The following LNX2 variants were observed in gnomAD, a reference collection of about 807,000 sequenced individuals.
LNX2 encodes the protein ligand of numb-protein X 2, also known as ligand of Numb protein X 2.
In LNX2, 35 loss-of-function variants were observed where a neutral mutation model predicts 66.2. The observed-to-expected ratio is 0.53, with a 90% CI of 0.40 to 0.70. The LOEUF is 0.70. LNX2 is among the 30% of genes least tolerant of loss of function. LNX2 has a pLI of 0.00. For synonymous variants in LNX2, 337 were observed against 315.6 expected (o/e 1.07, Z -0.72); for missense variants, 791 against 850.8 (o/e 0.93, Z 0.87).
chr13:27,619,743 C>G (rs920919469), intron 1 of LNX2, among the ~76,000 whole-genome samples: 1 of 152,196 alleles, frequency 6.6e-6, no homozygotes, highest in Non-Finnish European at 1.5e-5. Flanking sequence ...TGGCATACAG[C>G]TTTGAAAAGC....
At chr13:27,607,701 T>C (rs1955732316) in intron 1 of LNX2, among the ~76,000 whole-genome samples, 1 of 152,248 alleles carries the variant, frequency 6.6e-6, no homozygotes, top group Non-Finnish European at 1.5e-5. Context: ...AATAATTTTC[T>C]ATATGCCTTG....
chr13:27,606,752 T>A (rs1264827383), intron 1 of LNX2, among the ~76,000 whole-genome samples: 1 of 152,168 alleles, frequency 6.6e-6, no homozygotes, highest in Admixed American at 6.5e-5. Context: ...TTTCATGAAG[T>A]ATCCATCTGA....
rs192340783 is a variant in LNX2 at position 27,558,291 on chromosome 13, T to G, written c.1368+1551A>C. On this transcript the variant is annotated intron_variant, in intron 6 of 9. Transcript: ENST00000316334. ...AAATAGCTAAATGAACACATTCCAT[T>G]TCAAGTGGTTTTTCTAACCAGCCAG... is the stretch of plus-strand genomic sequence containing the variant. Among the ~76,000 whole-genome samples, 15 of 152,168 alleles carry G rather than the reference T, an allele frequency of 9.9e-5. No homozygotes were observed. In the East Asian group the frequency reaches 2.5e-3, roughly 25 times the overall value.
intron 7 of LNX2, among the ~76,000 whole-genome samples, chr13:27,555,781 AC>A (rs1206638165): frequency 2.0e-5 from 3 of 152,162 alleles, no homozygotes; most frequent in African/African-American, 7.2e-5. Flanking sequence ...GCTAGCTGCA[AC>A]CCCCATCTAT....
rs1555268485 is a variant in LNX2, at chr13:27,583,222, G to GTGCGCGCGCGTCCTCTCCTATATAAC, written c.-100-1420_-100-1419insGTTATATAGGAGAGGACGCGCGCGCA. On this transcript the variant is annotated intron_variant, in intron 1 of 9. Coordinates refer to ENST00000316334, the MANE Select transcript of LNX2 (RefSeq NM_153371.4). ...TGTGTGTGTGTGTGTGTGTGTGTGT[G>GTGCGCGCGCGTCCTCTCCTATATAAC]TGTGTGTGTGTGTGTGTGTGTGTGT... Among the ~76,000 whole-genome samples, 6 of 21,460 alleles carry GTGCGCGCGCGTCCTCTCCTATATAAC rather than the reference G, an allele frequency of 2.8e-4. 2 individuals carry two copies. In the African/African-American group the frequency reaches 2.8e-3, roughly 10 times the overall value. 14.1% of individuals were successfully genotyped at this position (21,460 alleles called of 152,430 possible).
intron 2 of LNX2, among the ~76,000 whole-genome samples, chr13:27,570,240 T>C (rs1359081511): frequency 2.0e-5 from 3 of 152,230 alleles, no homozygotes; most frequent in African/African-American, 7.2e-5. Context: ...CATGCTTTGG[T>C]TGTAATTAGC....
intron 5 of LNX2, among the ~76,000 whole-genome samples, 193 bp downstream of exon 5, chr13:27,562,220 T>G (rs909479447): frequency 6.6e-6 from 1 of 152,222 alleles, no homozygotes; most frequent in East Asian, 1.9e-4. Context: ...TTCACAGGGA[T>G]ATAGTTTTTA....
intron 9 of LNX2, among the ~76,000 whole-genome samples, chr13:27,549,012 C>T (rs1326038491): frequency 6.6e-6 from 1 of 152,104 alleles, no homozygotes; most frequent in African/African-American, 2.4e-5. Context: ...TCTATTTATA[C>T]CATAAATATA....
intron 1 of LNX2, among the ~76,000 whole-genome samples, chr13:27,602,304 C>T (rs961234740): frequency 2.6e-5 from 4 of 152,076 alleles, no homozygotes; most frequent in African/African-American, 9.7e-5. Flanking sequence ...AACTATGGAA[C>T]GCAAATCCCT....
intron 9 of LNX2, among the ~76,000 whole-genome samples, chr13:27,550,065 C>T (rs553447584): frequency 1.3e-5 from 2 of 152,240 alleles, no homozygotes; most frequent in Non-Finnish European, 1.5e-5. Flanking sequence ...CAGTCTAGAT[C>T]GGGATTGGCA....
intron 1 of LNX2, among the ~76,000 whole-genome samples, chr13:27,613,912 A>G (rs903572028): frequency 1.3e-5 from 2 of 152,248 alleles, no homozygotes; most frequent in African/African-American, 4.8e-5. Flanking sequence ...CAAGCCCAGC[A>G]CTTCTTAGGT....
intron 7 of LNX2, 79 bp downstream of exon 7, chr13:27,556,146 ATAGATACTTTG>A (rs1955057226): frequency 8.0e-7 from 1 of 1,255,648 alleles, no homozygotes; most frequent in African/African-American, 1.5e-5. Context: ...GTCATGTTTA[ATAGATACTTTG>A]TAGATATTCT....
At chr13:27,550,938 C>T (rs944556705) in intron 8 of LNX2, among the ~76,000 whole-genome samples, 8 of 152,102 alleles carry the variant, frequency 5.3e-5, no homozygotes, top group South Asian at 2.1e-4. Context: ...AGATTAGGAA[C>T]GCAGCTTCCG....
intron 2 of LNX2, among the ~76,000 whole-genome samples, chr13:27,578,972 T>C (rs1955370155): frequency 6.6e-6 from 1 of 152,194 alleles, no homozygotes; most frequent in South Asian, 2.1e-4. Context: ...GAAACACAGA[T>C]CAACAATTTA....
Position 27,584,299 on chromosome 13 carries a change from G to A in LNX2, c.-100-2496C>T, listed in dbSNP as rs150808159. ...GAGGCTCACTGCTGTAATGCAGTGA[G>A]GGAGGAGTTTGGGAGGCTGAGGTGG... On this transcript the variant is annotated intron_variant, in intron 1 of 9. Coordinates refer to ENST00000316334, the MANE Select transcript of LNX2 (RefSeq NM_153371.4). Among the ~76,000 whole-genome samples, 62 of 149,682 alleles carry A rather than the reference G, an allele frequency of 4.1e-4. 1 individual carries two copies. The East Asian group carries it at 0.012, about 29-fold the overall frequency.
chr13:27,555,437 T>C (rs903883078), intron 7 of LNX2, among the ~76,000 whole-genome samples: 3 of 152,256 alleles, frequency 2.0e-5, no homozygotes, highest in African/African-American at 7.2e-5. Flanking sequence ...CTGTGGGTTA[T>C]TTTTTCATTT....
At chr13:27,554,317 T>C (rs1001735815) in intron 7 of LNX2, among the ~76,000 whole-genome samples, 1 of 152,222 alleles carries the variant, frequency 6.6e-6, no homozygotes, top group Admixed American at 6.5e-5. Flanking sequence ...AACATAATTT[T>C]ATGGTTTTAA....
chr13:27,575,939 T>C (rs938934818), intron 2 of LNX2, among the ~76,000 whole-genome samples: 3 of 151,968 alleles, frequency 2.0e-5, no homozygotes, highest in African/African-American at 7.2e-5. Context: ...AAATAAGACA[T>C]ATAGAAACAA....
At chr13:27,584,308 T>C (rs1955459197) in intron 1 of LNX2, among the ~76,000 whole-genome samples, 1 of 146,524 alleles carries the variant, frequency 6.8e-6, no homozygotes, top group African/African-American at 2.5e-5. Flanking sequence ...AGGGAGGAGT[T>C]TGGGAGGCTG....
Sources: allele counts gnomAD v4.1 joint callset (sites outside exome capture counted in the v4.1 genomes callset), GRCh38; gene constraint gnomAD v4.1.1; transcripts MANE v1.5; gene names NCBI Gene and HGNC (gene_info 2026-07-23, HGNC 2026-07-21).